The following CLVS1 variants were observed in gnomAD, a reference collection of about 807,000 sequenced individuals.
The protein encoded by CLVS1 is clavesin-1.
In CLVS1, 10 loss-of-function variants were observed where a neutral mutation model predicts 33.1. The ratio of observed to expected loss-of-function variants is 0.30; its 90% CI spans 0.19 to 0.51. The LOEUF is 0.51. Ranked by LOEUF, CLVS1 falls within the 20% of genes least tolerant of loss-of-function variation. CLVS1 has a pLI of 0.97. For missense variants in CLVS1, 343 were observed against 433.4 expected (o/e 0.79, Z 1.85); for synonymous variants, 163 against 166.1 (o/e 0.98, Z 0.14).
intron 2 of CLVS1, among the ~76,000 whole-genome samples, chr8:61,251,297 C>T (rs1295896210): frequency 2.0e-5 from 3 of 152,166 alleles, no homozygotes; most frequent in African/African-American, 7.2e-5. Flanking sequence ...TTTTGATGTA[C>T]CGCTGGATTT....
At chr8:61,020,964 A>G in the CLVS1 span, among the ~76,000 whole-genome samples, 1 of 152,192 alleles carries the variant, frequency 6.6e-6, no homozygotes, top group South Asian at 2.1e-4. Context: ...TCTCCTTAAC[A>G]CCTACCCCAC....
At chr8:61,103,448 G>A (rs1006809776) in intron 1 of CLVS1, among the ~76,000 whole-genome samples, 4 of 152,210 alleles carry the variant, frequency 2.6e-5, no homozygotes, top group African/African-American at 9.6e-5. Context: ...ATGAGCATCT[G>A]AAAGAAGGAT....
chr8:61,119,768 G>C (rs1258700822), intron 1 of CLVS1, among the ~76,000 whole-genome samples: 2 of 105,880 alleles, frequency 1.9e-5, no homozygotes, highest in Non-Finnish European at 3.6e-5. Context: ...GCTTCCCTTT[G>C]AGGGTAACCC....
intron 2 of CLVS1, among the ~76,000 whole-genome samples, chr8:61,336,229 C>T (rs1230163622): frequency 6.6e-6 from 1 of 152,174 alleles, no homozygotes; most frequent in African/African-American, 2.4e-5. Context: ...AGGATTTAAC[C>T]TAATTTGAGA....
At chr8:61,194,352 C>T (rs2978513) in intron 2 of CLVS1, among the ~76,000 whole-genome samples, 78,478 of 151,674 alleles carry the variant, frequency 0.52, 21,028 homozygotes, top group Middle Eastern at 0.69. Flanking sequence ...AAGCCAAAGA[C>T]GAAAGAAATG....
rs117076544 is a variant in CLVS1 at position 61,397,040 on chromosome 8, G to T, written c.630+20261G>T. Among the ~76,000 whole-genome samples, 22 of 152,094 alleles carry T rather than the reference G, an allele frequency of 1.4e-4. No homozygotes were observed. In the East Asian group the frequency reaches 4.2e-3, roughly 29 times the overall value. ...ATAGACATTTGTTTTCATTTTGCTT[G>T]GTTATATATCTAGGAATAAAATTGC... On this transcript the variant is annotated intron_variant, in intron 3 of 5. Transcript: ENST00000325897.
intron 2 of CLVS1, among the ~76,000 whole-genome samples, chr8:61,166,031 G>GTGTTTTTTTTTTT (rs1806856038): frequency 9.2e-6 from 1 of 108,374 alleles, no homozygotes; most frequent in Non-Finnish European, 1.9e-5. Context: ...GCATCTAAGC[G>GTGTTTTTTTTTTT]TTTTTTTTTT....
intron 1 of CLVS1, among the ~76,000 whole-genome samples, chr8:61,062,486 G>T (rs528422725): frequency 6.6e-6 from 1 of 152,068 alleles, no homozygotes; most frequent in Non-Finnish European, 1.5e-5. Context: ...ACCACCCTAC[G>T]TTCCTTAAAA....
At chr8:61,333,245 C>A (rs1320871235) in intron 2 of CLVS1, among the ~76,000 whole-genome samples, 1 of 152,150 alleles carries the variant, frequency 6.6e-6, no homozygotes, top group Non-Finnish European at 1.5e-5. Flanking sequence ...AAAGTTTTTA[C>A]ATACCCAGTG....
chr8:61,126,169 C>T (rs1394225857), intron 1 of CLVS1, among the ~76,000 whole-genome samples: 1 of 152,146 alleles, frequency 6.6e-6, no homozygotes, highest in Non-Finnish European at 1.5e-5. Flanking sequence ...TCTCTTTACA[C>T]ACATATGCAC....
chr8:61,108,382 T>C (rs1805574709), intron 1 of CLVS1, among the ~76,000 whole-genome samples: 1 of 152,234 alleles, frequency 6.6e-6, no homozygotes, highest in Non-Finnish European at 1.5e-5. Context: ...ATGCCATTCA[T>C]TATTGTTGAC....
At chr8:61,300,472 C>A in intron 2 of CLVS1, 190 bp downstream of exon 2, 1 of 559,796 alleles carries the variant, frequency 1.8e-6, no homozygotes, top group Non-Finnish European at 3.1e-6. Context: ...AGAATTGTAA[C>A]ATTAGAGTTG....
intron 3 of CLVS1, among the ~76,000 whole-genome samples, chr8:61,417,407 G>A (rs542052983): frequency 1.4e-4 from 22 of 152,054 alleles, no homozygotes; most frequent in Admixed American, 4.6e-4. Flanking sequence ...ATTGAACCAC[G>A]TAAAAGTTTA....
At chr8:61,063,965 G>A (rs1804630977) in intron 1 of CLVS1, among the ~76,000 whole-genome samples, 1 of 152,142 alleles carries the variant, frequency 6.6e-6, no homozygotes, top group Admixed American at 6.5e-5. Context: ...TCATATAAGA[G>A]GAATTATACA....
At chr8:61,247,299 C>A (rs1464082966) in intron 2 of CLVS1, among the ~76,000 whole-genome samples, 1 of 152,032 alleles carries the variant, frequency 6.6e-6, no homozygotes, top group African/African-American at 2.4e-5. Flanking sequence ...TTATATTCTT[C>A]TGGGTATATA....
intron 2 of CLVS1, among the ~76,000 whole-genome samples, chr8:61,328,430 A>G (rs1563498155): frequency 6.6e-6 from 1 of 152,022 alleles, no homozygotes; most frequent in Non-Finnish European, 1.5e-5. Context: ...GATGGGCAGG[A>G]TTTACATGGG....
the CLVS1 span, among the ~76,000 whole-genome samples, chr8:61,016,269 T>G: frequency 6.6e-6 from 1 of 152,230 alleles, no homozygotes. Context: ...TGCAAAGTAC[T>G]TCTGGTCTCA....
At chr8:61,105,990 T>C (rs1280427553) in intron 1 of CLVS1, among the ~76,000 whole-genome samples, 5 of 152,186 alleles carry the variant, frequency 3.3e-5, no homozygotes, top group Non-Finnish European at 7.3e-5. Flanking sequence ...AGTTCTGTCT[T>C]CCTTTGCTGT....
At chr8:61,275,831 A>G (rs568263200) in intron 2 of CLVS1, among the ~76,000 whole-genome samples, 1 of 152,334 alleles carries the variant, frequency 6.6e-6, no homozygotes, top group African/African-American at 2.4e-5. Context: ...TCAAATAAAT[A>G]AGACCCTATG....
Sources: gnomAD v4.1 joint callset for allele counts (sites outside exome capture counted in the v4.1 genomes callset) on GRCh38, gnomAD v4.1.1 for gene constraint, MANE v1.5 for transcripts, NCBI Gene and HGNC (gene_info 2026-07-23, HGNC 2026-07-21) for gene names.